ST8SIA4: variants seen among roughly 807,000 people sequenced by gnomAD.
ST8SIA4 encodes ST8 alpha-N-acetyl-neuraminide alpha-2,8-sialyltransferase 4.
In ST8SIA4, 15 loss-of-function variants were observed where a neutral mutation model predicts 33.9. That is an observed-to-expected ratio of 0.44 (90% CI 0.30 to 0.68). The LOEUF (loss-of-function observed/expected upper bound fraction) is 0.68. ST8SIA4 is among the 30% of genes least tolerant of loss of function. The pLI, the probability that ST8SIA4 is intolerant of heterozygous loss-of-function variation, is 0.10. For synonymous variants in ST8SIA4, 171 were observed against 151.2 expected (o/e 1.13, Z -0.96); for missense variants, 321 against 428.0 (o/e 0.75, Z 2.21).
At position 100,811,686 on chromosome 5, in the gene ST8SIA4, A is replaced by T; in HGVS notation, c.*161T>A. ...ATATTTAATTTTTAGAGCACTTTGC[A>T]GGTATTTCATCAGCTGGTAGTCGAT... is the stretch of plus-strand genomic sequence containing the variant. On this transcript the variant is annotated 3_prime_UTR_variant, in exon 5 of 5. Transcript: ENST00000231461. 1.4e-6 allele frequency: 1 copy of T among 693,908 alleles called. No individual in the cohort carries two copies. The highest frequency in any genetic ancestry group is 2.4e-6 in the Non-Finnish European group (1 of 424,732). The allele number at this position is 693,908 out of a possible 1,614,324, so 43.0% of individuals were successfully genotyped here. A position where few individuals can be genotyped will look rare whatever the true frequency, so the allele number is the denominator to read the frequency against.
intron 4 of ST8SIA4, among the ~76,000 whole-genome samples, chr5:100,830,185 A>T (rs533629429): frequency 6.6e-6 from 1 of 152,328 alleles, no homozygotes; most frequent in Admixed American, 6.5e-5. Context: ...AAGTAAGTGA[A>T]AGGGAATAGA....
intron 2 of ST8SIA4, among the ~76,000 whole-genome samples, chr5:100,890,265 T>C (rs552870939): frequency 6.6e-6 from 1 of 152,028 alleles, no homozygotes; most frequent in South Asian, 2.1e-4. Context: ...AAAAGCTTTG[T>C]GAATTTGCTA....
At chr5:100,813,178 C>G (rs1007484880) in intron 4 of ST8SIA4, among the ~76,000 whole-genome samples, 1 of 151,882 alleles carries the variant, frequency 6.6e-6, no homozygotes, top group African/African-American at 2.4e-5. Context: ...TTTTATAAAA[C>G]TTTCCAGGGG....
intron 1 of ST8SIA4, among the ~76,000 whole-genome samples, chr5:100,897,618 C>T (rs1041029154): frequency 1.3e-5 from 2 of 151,978 alleles, no homozygotes; most frequent in Non-Finnish European, 1.5e-5. Flanking sequence ...AACAGCTATT[C>T]GATGAATTCT....
intron 1 of ST8SIA4, 106 bp downstream of exon 1, chr5:100,902,737 T>G: frequency 2.0e-6 from 2 of 988,472 alleles, no homozygotes; most frequent in South Asian, 2.7e-5. Context: ...ACGCGCAAGC[T>G]CAAACAAACA....
At chr5:100,885,246 T>G in intron 3 of ST8SIA4, 1 of 617,850 alleles carries the variant, frequency 1.6e-6, no homozygotes. Context: ...GTTCAAGTTT[T>G]AAAAAGCTAA....
At chr5:100,846,828 C>T (rs923427501) in intron 4 of ST8SIA4, among the ~76,000 whole-genome samples, 16 of 152,054 alleles carry the variant, frequency 1.1e-4, no homozygotes, top group Admixed American at 2.0e-4. Flanking sequence ...AGAATGAAAG[C>T]TGTTTTCCAT....
Position 100,811,804 on chromosome 5 carries a change from A to G in ST8SIA4, c.*43T>C, listed in dbSNP as rs758754830. 3 of 1,544,956 alleles carry G rather than the reference A, an allele frequency of 1.9e-6. No homozygotes were observed. The highest frequency in any genetic ancestry group is 4.2e-4 in the Middle Eastern group (2 of 4,774). On this transcript the variant is annotated 3_prime_UTR_variant, in exon 5 of 5. Transcript: ENST00000231461. ...ATCCTATTTTCAAATCTTCGGAAGC[A>G]TCTTCAGAAAAGAAGTGCATATTGT...
At chr5:100,870,606 A>T (rs1752177616) in intron 3 of ST8SIA4, among the ~76,000 whole-genome samples, 1 of 152,172 alleles carries the variant, frequency 6.6e-6, no homozygotes. Flanking sequence ...AAACATTTAA[A>T]ACATTTAAAA....
chr5:100,886,655 G>A (rs1752545153), intron 2 of ST8SIA4, 55 bp from the exon 3 acceptor site: 1 of 1,397,034 alleles, frequency 7.2e-7, no homozygotes, highest in Non-Finnish European at 1.0e-6. Flanking sequence ...TCCAAGAACT[G>A]ATGGTGTCAT....
intron 1 of ST8SIA4, among the ~76,000 whole-genome samples, chr5:100,901,676 C>T (rs928118538): frequency 1.7e-4 from 26 of 152,144 alleles, no homozygotes; most frequent in Admixed American, 1.4e-3. Flanking sequence ...TCTTCCAGTC[C>T]GCTTTGACTG....
rs573995141 is a variant in ST8SIA4 at position 100,811,402 on chromosome 5, T to C, written c.*445A>G. On this transcript the variant is annotated 3_prime_UTR_variant, in exon 5 of 5. Coordinates refer to ENST00000231461, the MANE Select transcript of ST8SIA4 (RefSeq NM_005668.6). The stretch of plus-strand genomic sequence containing the variant: ...AAGCATTTACTTGAGTTGTTTAATC[T>C]TACGGATTTCATTGCTCAAACTGCT... The C allele has an allele frequency of 3.4e-4, 53 of 154,898 alleles. 1 individual carries two copies. The highest frequency in any genetic ancestry group is 1.9e-3 in the Admixed American group (30 of 15,568). The allele number at this position is 154,898 out of a possible 1,614,324, so 9.6% of individuals were successfully genotyped here.
intron 4 of ST8SIA4, among the ~76,000 whole-genome samples, chr5:100,847,871 A>G (rs1165933927): frequency 6.6e-6 from 1 of 152,070 alleles, no homozygotes; most frequent in Non-Finnish European, 1.5e-5. Context: ...CCAAAATAAA[A>G]TATCAATGTT....
At position 100,850,483 on chromosome 5, in the gene ST8SIA4, G is replaced by A. The variant is rs368316635; in HGVS notation, c.797+5620C>T. Among the ~76,000 whole-genome samples, 7 of 150,316 alleles carry A rather than the reference G, an allele frequency of 4.7e-5. No homozygotes were observed. In the East Asian group the frequency reaches 5.8e-4, roughly 12 times the overall value. On this transcript the variant is annotated intron_variant, in intron 4 of 4. Coordinates refer to ENST00000231461, the MANE Select transcript of ST8SIA4 (RefSeq NM_005668.6). ...ACTAAGGGGCCATAAAAATTTATACGATAATTGAGTTAAATATCTCATTTT... is the reference window on the plus strand; with the variant it reads ...ACTAAGGGGCCATAAAAATTTATACAATAATTGAGTTAAATATCTCATTTT...
chr5:100,884,313 C>T (rs1040640938), intron 3 of ST8SIA4, among the ~76,000 whole-genome samples: 5 of 152,082 alleles, frequency 3.3e-5, no homozygotes, highest in African/African-American at 1.2e-4. Context: ...GTCTAAATGC[C>T]CAGTAGTCCA....
At chr5:100,832,102 A>G (rs940786614) in intron 4 of ST8SIA4, among the ~76,000 whole-genome samples, 3 of 152,164 alleles carry the variant, frequency 2.0e-5, no homozygotes, top group Non-Finnish European at 4.4e-5. Flanking sequence ...TCAATAACAA[A>G]CACTCCATAT....
At chr5:100,868,271 C>T (rs562833002) in intron 3 of ST8SIA4, among the ~76,000 whole-genome samples, 19 of 152,032 alleles carry the variant, frequency 1.2e-4, no homozygotes, top group African/African-American at 2.9e-4. Flanking sequence ...AAGGATAGAG[C>T]GGATTATAAC....
chr5:100,826,826 T>C (rs1489315062), intron 4 of ST8SIA4, among the ~76,000 whole-genome samples: 1 of 151,816 alleles, frequency 6.6e-6, no homozygotes, highest in East Asian at 1.9e-4. Context: ...ACATGTATAG[T>C]TATATGTTGT....
At chr5:100,831,804 T>A (rs72778607) in intron 4 of ST8SIA4, among the ~76,000 whole-genome samples, 41,315 of 151,844 alleles carry the variant, frequency 0.27, 5,949 homozygotes, top group Non-Finnish European at 0.32. Flanking sequence ...AAATATATAT[T>A]TTTTAAAAAT....
Sources: allele counts gnomAD v4.1 joint callset (sites outside exome capture counted in the v4.1 genomes callset), GRCh38; gene constraint gnomAD v4.1.1; transcripts MANE v1.5; gene names NCBI Gene and HGNC (gene_info 2026-07-23, HGNC 2026-07-21).